Variants in SETD2 observed in about 807,000 individuals in gnomAD.
The protein encoded by SETD2 is histone-lysine N-methyltransferase SETD2.
A neutral mutation model predicts 242.1 loss-of-function variants in SETD2; 31 were observed. That is an observed-to-expected ratio of 0.13 (90% CI 0.10 to 0.17). The LOEUF (loss-of-function observed/expected upper bound fraction) is 0.17, where lower values mean the gene tolerates loss of function less well. Ranked by LOEUF, SETD2 falls within the 10% of genes least tolerant of loss-of-function variation. SETD2 has a pLI of 1.00. For synonymous variants in SETD2, 1,006 were observed against 1,066.5 expected (o/e 0.94, Z 1.11); for missense variants, 2,481 against 3,046.3 (o/e 0.81, Z 4.37).
chr3:47,123,474 G>A lies in SETD2; in HGVS notation c.1162C>T (p.Arg388Trp), dbSNP rs779126757. 6 of 1,551,040 alleles carry A rather than the reference G, an allele frequency of 3.9e-6. No homozygotes were observed. The highest frequency in any genetic ancestry group is 1.2e-5 in the South Asian group (1 of 84,026). Residue 388 changes from arginine to tryptophan, a missense_variant, in exon 3 of 21, where the codon CGG becomes TGG. Transcript: ENST00000409792. The stretch of plus-strand genomic sequence containing the variant: ...GATCTACATCGGGAAGATACATACC[G>A]AGTATCTCTTTCAAGTTTTGAATAG... The part of the protein sequence containing the change: ...FSYSKLERDT[R>W]YVSSRCRSER...
intron 12 of SETD2, among the ~76,000 whole-genome samples, chr3:47,072,638 C>T (rs1055687821): frequency 3.3e-5 from 5 of 151,788 alleles, no homozygotes; most frequent in African/African-American, 4.8e-5. Flanking sequence ...AGCAAGACCT[C>T]GTCTCTAGAA....
intron 12 of SETD2, among the ~76,000 whole-genome samples, chr3:47,078,341 C>A (rs2041180865): frequency 1.3e-5 from 2 of 152,028 alleles, no homozygotes; most frequent in South Asian, 4.1e-4. Context: ...ATACCTGAAT[C>A]CAAGCAAAGG....
chr3:47,047,784 G>A (rs2039595998), intron 15 of SETD2, among the ~76,000 whole-genome samples: 1 of 152,188 alleles, frequency 6.6e-6, no homozygotes, highest in African/African-American at 2.4e-5. Flanking sequence ...CACAAAGCCT[G>A]AGAGGAAAAT....
rs34309892 is a variant in SETD2 at position 47,040,569 on chromosome 3, A to ATTTTTTTTTTTTT, written c.7238+1979_7238+1991dup. Among the ~76,000 whole-genome samples the ATTTTTTTTTTTTT allele has an allele frequency of 1.5e-4, 14 of 91,718 alleles. 1 individual carries two copies. Among genetic ancestry groups the ATTTTTTTTTTTTT allele is most frequent in the African/African-American group, 5.7e-4 (13 of 22,840 alleles). The allele number at this position is 91,718 out of a possible 152,430, so 60.2% of individuals were successfully genotyped here. Reference sequence around the variant, plus strand: ...AAAATAGATGACATGAGGGAAAAGGATTTTTTTTTTTTTTTTTTTTTTGGA... The same window carrying ATTTTTTTTTTTTT: ...AAAATAGATGACATGAGGGAAAAGGATTTTTTTTTTTTTTTTTTTTTTTTTTTTTTTTTTTGGA... On this transcript the variant is annotated intron_variant, in intron 17 of 20. Transcript: ENST00000409792.
At chr3:47,146,015 C>CA (rs1171574770) in intron 1 of SETD2, among the ~76,000 whole-genome samples, 1,170 of 38,618 alleles carry the variant, frequency 0.03, 235 homozygotes, top group African/African-American at 0.072. Flanking sequence ...GACCCTGTCT[C>CA]AAAAAAAAAA....
chr3:47,025,450 C>T (rs1412770457), intron 18 of SETD2, among the ~76,000 whole-genome samples: 3 of 152,166 alleles, frequency 2.0e-5, no homozygotes, highest in African/African-American at 7.2e-5. Flanking sequence ...GTCTGACTCC[C>T]TTGCATTAAA....
At chr3:47,041,428 G>A (rs1001358409) in intron 17 of SETD2, 12 of 422,060 alleles carry the variant, frequency 2.8e-5, no homozygotes, top group African/African-American at 1.8e-4. Context: ...TGGGAGGATC[G>A]CTTGAAGCCA....
intron 18 of SETD2, among the ~76,000 whole-genome samples, chr3:47,036,876 C>G (rs368937081): frequency 7.4e-6 from 1 of 135,202 alleles, no homozygotes; most frequent in Non-Finnish European, 1.5e-5. Context: ...CACTCCAGCC[C>G]GGGCAACAGA....
chr3:47,111,982 GT>G (rs1296043013), intron 5 of SETD2, among the ~76,000 whole-genome samples: 1 of 152,020 alleles, frequency 6.6e-6, no homozygotes, highest in Non-Finnish European at 1.5e-5. Context: ...TTATGTCTAA[GT>G]TACTAGAATC....
intron 15 of SETD2, among the ~76,000 whole-genome samples, chr3:47,050,721 C>CTTT (rs1207924691): frequency 1.4e-5 from 1 of 70,380 alleles, no homozygotes; most frequent in African/African-American, 6.0e-5. Flanking sequence ...CATTTCCTCT[C>CTTT]TCTTTTTTTT....
intron 12 of SETD2, among the ~76,000 whole-genome samples, chr3:47,078,720 AGTT>A (rs768849287): frequency 7.6e-4 from 115 of 151,670 alleles, no homozygotes; most frequent in Non-Finnish European, 1.2e-3. Context: ...TCTATAACTT[AGTT>A]GTTGTTGTTT....
chr3:47,120,429 G>A lies in SETD2; in HGVS notation c.4207C>T (p.Pro1403Ser), dbSNP rs2107741463. The stretch of plus-strand genomic sequence containing the variant: ...ATTTCCTGCCTCCTTTTTTTAAGAG[G>A]CCCTCTATCTTTGATATCATTTTTT... ...LEKNDIKDRG[P>S]LKKRRQEIES... Residue 1403 changes from proline (P) to serine (S), a missense_variant, in exon 3 of 21, where the codon CCT becomes TCT. Physicochemically the swap from Pro to Ser is moderately conservative, Grantham distance 74. Coordinates refer to ENST00000409792, the MANE Select transcript of SETD2 (RefSeq NM_014159.7). The A allele has an allele frequency of 1.2e-6, 2 of 1,611,670 alleles. No individual in the cohort carries two copies. The highest frequency in any genetic ancestry group is 1.1e-5 in the South Asian group (1 of 90,786).
intron 12 of SETD2, among the ~76,000 whole-genome samples, chr3:47,071,384 A>G (rs569931729): frequency 6.6e-6 from 1 of 152,256 alleles, no homozygotes; most frequent in African/African-American, 2.4e-5. Flanking sequence ...TCAACACTCA[A>G]TTCCTTTCTG....
chr3:47,042,415 A>C lies in SETD2; in HGVS notation c.7238+146T>G. On this transcript the variant is annotated intron_variant, in intron 17 of 20. Transcript: ENST00000409792. The stretch of plus-strand genomic sequence containing the variant: ...AAAGTCTAACGTCTAAAATACACTT[A>C]AGATGTGATTCTGGAAATCCAGCAG... 5 of 713,830 alleles carry C rather than the reference A, an allele frequency of 7.0e-6. No individual in the cohort carries two copies. In the South Asian group the frequency reaches 8.8e-5, roughly 13 times the overall value. 44.2% of individuals were successfully genotyped at this position (713,830 alleles called of 1,614,324 possible). A position where few individuals can be genotyped will look rare whatever the true frequency, so the allele number is the denominator to read the frequency against.
intron 1 of SETD2, among the ~76,000 whole-genome samples, chr3:47,131,085 AATAAAT>A (rs1384368677): frequency 6.6e-6 from 1 of 152,200 alleles, no homozygotes; most frequent in Non-Finnish European, 1.5e-5. Context: ...CAAGCGCATT[AATAAAT>A]ATAAACAAGT....
Position 47,083,780 on chromosome 3 carries a change from A to G in SETD2, c.6000T>C (p.Asp2000=). Residue 2000 remains aspartate (D), a synonymous_variant, in exon 12 of 21, where the codon GAT becomes GAC. Transcript: ENST00000409792. The stretch of plus-strand genomic sequence containing the variant: ...CCAAATCACTTATATCCACTGTTTT[A>G]TCTGGCTGTTCTTGGCTCCTTTCAC... The part of the protein sequence containing the change: ...VESERSQEQP[D]KTVDISDLAT... The G allele has an allele frequency of 1.2e-6, 2 of 1,614,114 alleles. No homozygotes were observed. The highest frequency in any genetic ancestry group is 1.7e-6 in the Non-Finnish European group (2 of 1,179,990).
At chr3:47,116,176 C>T (rs1171586552) in intron 4 of SETD2, among the ~76,000 whole-genome samples, 2 of 150,742 alleles carry the variant, frequency 1.3e-5, no homozygotes, top group African/African-American at 4.9e-5. Context: ...AAAACATCTA[C>T]CTATGCTAGC....
At chr3:47,081,823 T>C (rs757641762) in intron 12 of SETD2, among the ~76,000 whole-genome samples, 4 of 152,202 alleles carry the variant, frequency 2.6e-5, no homozygotes, top group Admixed American at 2.6e-4. Flanking sequence ...AGATGGGTAA[T>C]GATTCCAGAG....
rs1037901055 is a variant in SETD2, at chr3:47,122,918, A to G, written c.1718T>C (p.Phe573Ser). The change falls in exon 3 of 21, where the codon TTC (phenylalanine) becomes TCC (serine). Residue 573 changes from phenylalanine to serine, a missense_variant. Physicochemically the swap from Phe to Ser is radical, Grantham distance 155. Transcript: ENST00000409792. ...IPKSDKFKNS[F>S]CCTELNEEIK... ...TTCTTCATTTAATTCTGTACAACAGAAAGAATTTTTAAATTTATCAGACTT... is the reference window on the plus strand; with the variant it reads ...TTCTTCATTTAATTCTGTACAACAGGAAGAATTTTTAAATTTATCAGACTT... The G allele has an allele frequency of 1.9e-6, 3 of 1,610,652 alleles. No individual in the cohort carries two copies. Among genetic ancestry groups the G allele is most frequent in the Non-Finnish European group, 2.5e-6 (3 of 1,178,864 alleles).
Sources: allele counts gnomAD v4.1 joint callset (sites outside exome capture counted in the v4.1 genomes callset), GRCh38; gene constraint gnomAD v4.1.1; transcripts MANE v1.5; gene names NCBI Gene and HGNC (gene_info 2026-07-23, HGNC 2026-07-21).